RILPL1: variants seen among roughly 807,000 people sequenced by gnomAD.
RILPL1 encodes the protein RILP-like protein 1.
RILPL1 carries 33 observed loss-of-function variants against 50.3 expected under a neutral mutation model. The ratio of observed to expected loss-of-function variants is 0.66; its 90% CI spans 0.50 to 0.88. The LOEUF (loss-of-function observed/expected upper bound fraction) is 0.88. Among genes scored for constraint, RILPL1 ranks in the 40% least tolerant of loss-of-function variants. RILPL1 has a pLI of 0.00. For missense variants in RILPL1, 418 were observed against 542.5 expected, an observed-to-expected ratio of 0.77 and a Z score of 2.28; for synonymous variants, 205 against 228.6, an observed-to-expected ratio of 0.90 and a Z score of 0.93.
intron 4 of RILPL1, among the ~76,000 whole-genome samples, chr12:123,492,780 C>T (rs1034727900): frequency 1.2e-4 from 19 of 152,154 alleles, no homozygotes; most frequent in Admixed American, 2.6e-4. Context: ...CCCCCAACCC[C>T]GTGCTCTCTG....
At chr12:123,520,285 G>C (rs1396608199) in intron 2 of RILPL1, among the ~76,000 whole-genome samples, 1 of 152,224 alleles carries the variant, frequency 6.6e-6, no homozygotes, top group African/African-American at 2.4e-5. Flanking sequence ...AAGGCTGGGA[G>C]TGGTGGCTCA....
intron 2 of RILPL1, among the ~76,000 whole-genome samples, chr12:123,506,722 G>A (rs992452382): frequency 6.6e-6 from 1 of 152,182 alleles, no homozygotes. Context: ...TGCAAAATGG[G>A]CACGTGAATT....
At chr12:123,501,729 C>T (rs1883403036) in intron 2 of RILPL1, among the ~76,000 whole-genome samples, 1 of 146,442 alleles carries the variant, frequency 6.8e-6, no homozygotes, top group Non-Finnish European at 1.5e-5. Context: ...TACTGCACTC[C>T]AGCCTGGGCA....
chr12:123,518,715 G>T (rs1253094257), intron 2 of RILPL1, among the ~76,000 whole-genome samples: 1 of 151,872 alleles, frequency 6.6e-6, no homozygotes, highest in Non-Finnish European at 1.5e-5. Context: ...ATGTTACAAG[G>T]ATACTTACTG....
chr12:123,484,184 G>A lies in RILPL1; in HGVS notation c.1063C>T (p.Arg355Ter), dbSNP rs1181088633. The A allele has an allele frequency of 5.0e-6, 8 of 1,604,058 alleles. No individual in the cohort carries two copies. Among genetic ancestry groups the A allele is most frequent in the Non-Finnish European group, 6.0e-6 (7 of 1,171,812 alleles). ...AGCTGGCAGCGCATCACTTACAGTC[G>A]CTTGATGCCCGACTCCGGCTGGGGG... ...TSPQPESGIK[R>*]LFSFFSRDKK... is the part of the protein sequence containing the mutation. The change falls in exon 6 of 7, where the codon CGA becomes TGA. Residue 355 changes from arginine (R) to a stop codon, truncating the protein, a stop_gained. Coordinates refer to ENST00000376874, the MANE Select transcript of RILPL1 (RefSeq NM_178314.5). LOFTEE classifies it high-confidence loss of function.
chr12:123,526,290 A>G (rs992481074), intron 1 of RILPL1, among the ~76,000 whole-genome samples: 3 of 152,022 alleles, frequency 2.0e-5, no homozygotes, highest in African/African-American at 7.3e-5. Flanking sequence ...TGGGGCACAG[A>G]ATGAGACTCC....
chr12:123,532,709 G>C (rs28690934), intron 1 of RILPL1, among the ~76,000 whole-genome samples: 3 of 136,694 alleles, frequency 2.2e-5, no homozygotes, highest in Non-Finnish European at 3.2e-5. Context: ...AGACTGGGGG[G>C]GGGGGGGATG....
In RILPL1 at chr12:123,533,548, GGGCCGGGCC is replaced by G. The variant is rs917348528; in HGVS notation, c.-75_-67del. On this transcript the variant is annotated 5_prime_UTR_variant, in exon 1 of 7. Coordinates refer to ENST00000376874, the MANE Select transcript of RILPL1 (RefSeq NM_178314.5). This position sits in a 1 kb window ranked among gnomAD's most constrained non-coding sequence, Gnocchi z 6.2. ...CAACTCCCAAACTTGCCGCTGTCGA[GGGCCGGGCC>G]GGCCGGGCCCAGCCTGGGCCGCGGG... 5 of 1,351,944 alleles carry G rather than the reference GGGCCGGGCC, an allele frequency of 3.7e-6. No homozygotes were observed. Among genetic ancestry groups the G allele is most frequent in the Non-Finnish European group, 4.8e-6 (5 of 1,037,658 alleles). 83.7% of individuals were successfully genotyped at this position (1,351,944 alleles called of 1,614,324 possible).
intron 2 of RILPL1, 138 bp from the exon 3 acceptor site, chr12:123,499,674 C>T (rs1717835010): frequency 3.0e-6 from 2 of 671,950 alleles, no homozygotes; most frequent in Non-Finnish European, 2.7e-6. Flanking sequence ...CCACTCTCCA[C>T]TCACGCCCTT....
intron 2 of RILPL1, among the ~76,000 whole-genome samples, chr12:123,510,503 AGT>A (rs1884035073): frequency 1.2e-5 from 1 of 86,666 alleles, no homozygotes; most frequent in South Asian, 3.4e-4. Context: ...GTGTGTGTGT[AGT>A]GTGTGAGGTC....
chr12:123,480,877 A>C (rs1464178279), intron 6 of RILPL1, among the ~76,000 whole-genome samples: 1 of 152,076 alleles, frequency 6.6e-6, no homozygotes, highest in Non-Finnish European at 1.5e-5. Flanking sequence ...AGGCCACTTG[A>C]ACTGGATGGA....
At chr12:123,474,381 T>G (rs764305995) in intron 6 of RILPL1, 6 of 152,186 alleles carry the variant, frequency 3.9e-5, no homozygotes, top group Admixed American at 6.6e-5. Flanking sequence ...AGACGGAGTC[T>G]CGCTCTGTCA....
intron 2 of RILPL1, among the ~76,000 whole-genome samples, chr12:123,503,856 C>A (rs1883560786): frequency 6.6e-6 from 1 of 151,978 alleles, no homozygotes; most frequent in East Asian, 2.0e-4. Context: ...AAAAAATTAG[C>A]CAGGCATGGT....
chr12:123,512,964 GGTGT>G (rs1424292122), intron 2 of RILPL1, among the ~76,000 whole-genome samples: 2 of 136,648 alleles, frequency 1.5e-5, no homozygotes, highest in East Asian at 2.3e-4. Flanking sequence ...GTGTGTGTGT[GGTGT>G]GTGTGAGGTC....
At position 123,523,488 on chromosome 12, in the gene RILPL1, C is replaced by T; in HGVS notation, c.460+7G>A. On this transcript the variant is annotated splice_region_variant and intron_variant, in intron 2 of 6. Coordinates refer to ENST00000376874, the MANE Select transcript of RILPL1 (RefSeq NM_178314.5). ...GCCCCCTTGCATTGGCGCCGACCCC[C>T]ACTTACCTTCATGCTTCTGGAACTC... is the stretch of plus-strand genomic sequence containing the variant. 6.2e-7 allele frequency: 1 copy of T among 1,614,010 alleles called. No individual in the cohort carries two copies. Among genetic ancestry groups the T allele is most frequent in the Non-Finnish European group, 8.5e-7 (1 of 1,179,890 alleles).
In RILPL1 at chr12:123,522,539, C is replaced by T. The variant is rs1260457495; in HGVS notation, c.460+956G>A. 6.6e-6 allele frequency among the ~76,000 whole-genome samples: 1 copy of T among 152,188 alleles called. No homozygotes were observed. The highest frequency in any genetic ancestry group is 1.5e-5 in the Non-Finnish European group (1 of 68,028). ...CCAAACCTCAGCCTCTAAGGAGCTA[C>T]ATGAACTGACCCCTGTGACCTCATT... On this transcript the variant is annotated intron_variant, in intron 2 of 6. Coordinates refer to ENST00000376874, the MANE Select transcript of RILPL1 (RefSeq NM_178314.5). The surrounding 1 kb of genome is among the most constrained non-coding windows in gnomAD (Gnocchi z 4.0).
intron 6 of RILPL1, among the ~76,000 whole-genome samples, chr12:123,483,579 A>T (rs1882134153): frequency 1.3e-5 from 2 of 152,334 alleles, no homozygotes; most frequent in South Asian, 4.1e-4. Flanking sequence ...AGGAGGTTTT[A>T]TCACAACCTC....
At chr12:123,479,572 A>C (rs1452545021) in intron 6 of RILPL1, among the ~76,000 whole-genome samples, 1 of 152,108 alleles carries the variant, frequency 6.6e-6, no homozygotes, top group Non-Finnish European at 1.5e-5. Flanking sequence ...CTGGGCTCAC[A>C]GGCTGCTCTG....
At position 123,489,045 on chromosome 12, in the gene RILPL1, A is replaced by C. The variant is rs1165674101; in HGVS notation, c.802-3240T>G. On this transcript the variant is annotated intron_variant, in intron 4 of 6. Transcript: ENST00000376874. This position sits in a 1 kb window ranked among gnomAD's most constrained non-coding sequence, Gnocchi z 4.0. ...CAAGACCACATACAACAGGTGACGG[A>C]TATGCGGCCGGCATTCAATCGCGCC... Among the ~76,000 whole-genome samples, 11 of 152,116 alleles carry C rather than the reference A, an allele frequency of 7.2e-5. No individual in the cohort carries two copies. Among genetic ancestry groups the C allele is most frequent in the Admixed American group, 4.6e-4 (7 of 15,254 alleles).
Sources: allele counts gnomAD v4.1 joint callset (sites outside exome capture counted in the v4.1 genomes callset), GRCh38; gene constraint gnomAD v4.1.1; non-coding constraint Gnocchi (gnomAD v3.1); transcripts MANE v1.5; gene names NCBI Gene and HGNC (gene_info 2026-07-23, HGNC 2026-07-21).